The following POLR3A variants were observed in gnomAD, a reference collection of about 807,000 sequenced individuals.
POLR3A encodes the protein RNA polymerase III subunit A, also known as DNA-directed RNA polymerase III subunit RPC1.
POLR3A carries 112 observed loss-of-function variants against 152.8 expected under a neutral mutation model. That is an observed-to-expected ratio of 0.73 (90% CI 0.63 to 0.86). POLR3A has a LOEUF of 0.86. Ranked by LOEUF, POLR3A falls within the 40% of genes least tolerant of loss-of-function variation. The pLI is 0.00. For missense variants in POLR3A, 1,385 were observed against 1,743.1 expected (o/e 0.79, Z 3.66); for synonymous variants, 615 against 652.1 (o/e 0.94, Z 0.87).
rs560557299 is a variant in POLR3A, at chr10:78,024,743, T to C, written c.491-40A>G. 3.4e-5 allele frequency: 54 copies of C among 1,565,948 alleles called. No homozygotes were observed. In the Admixed American group the frequency reaches 8.5e-4, roughly 25 times the overall value. On this transcript the variant is annotated intron_variant, in intron 4 of 30. Transcript: ENST00000372371. ...TTATTTACCAAGAAATAAAAAATTA[T>C]GTTCTCAGATTGGCCAGAGATTGTA...
At chr10:77,980,713 G>A (rs554680227) in intron 29 of POLR3A, among the ~76,000 whole-genome samples, 18 of 152,186 alleles carry the variant, frequency 1.2e-4, no homozygotes, top group Non-Finnish European at 2.2e-4. Flanking sequence ...GAAAACATTT[G>A]TGATGTTAAA....
chr10:77,996,267 C>A (rs1847299372), intron 19 of POLR3A, among the ~76,000 whole-genome samples: 2 of 152,086 alleles, frequency 1.3e-5, no homozygotes, highest in Non-Finnish European at 2.9e-5. Flanking sequence ...GAAGCAAGAG[C>A]AAACACATTC....
At chr10:78,016,498 G>A (rs1057313741) in intron 10 of POLR3A, among the ~76,000 whole-genome samples, 2 of 151,640 alleles carry the variant, frequency 1.3e-5, no homozygotes, top group Non-Finnish European at 2.9e-5. Context: ...TGAATCACCT[G>A]AGGTCAGGAG....
chr10:77,978,975 T>C (rs115781062), intron 30 of POLR3A, among the ~76,000 whole-genome samples: 2,155 of 152,142 alleles, frequency 0.014, 50 homozygotes, highest in African/African-American at 0.048. Context: ...GCTTGTTTTT[T>C]GATTTTAAAA....
intron 19 of POLR3A, among the ~76,000 whole-genome samples, chr10:77,997,127 A>G (rs1037011983): frequency 6.6e-6 from 1 of 151,964 alleles, no homozygotes; most frequent in Non-Finnish European, 1.5e-5. Flanking sequence ...CATGCTAAAA[A>G]CTCTCAATAA....
intron 19 of POLR3A, among the ~76,000 whole-genome samples, chr10:77,995,390 A>G (rs527980744): frequency 3.3e-5 from 5 of 152,356 alleles, no homozygotes; most frequent in Admixed American, 3.3e-4. Flanking sequence ...GTCAAGACCC[A>G]TCAGTGTGCT....
intron 11 of POLR3A, chr10:78,013,034 A>C (rs1847481755): frequency 6.2e-6 from 1 of 160,636 alleles, no homozygotes; most frequent in Non-Finnish European, 1.4e-5. Context: ...GCCAACAGTT[A>C]AAGCTCAACT....
chr10:78,000,762 A>G (rs573043409), intron 18 of POLR3A, among the ~76,000 whole-genome samples: 1 of 152,330 alleles, frequency 6.6e-6, no homozygotes, highest in South Asian at 2.1e-4. Flanking sequence ...GGCCTCAAGC[A>G]ATCCTCTTGC....
chr10:77,980,125 G>C lies in POLR3A; in HGVS notation c.4024+16C>G. 6.2e-7 allele frequency: 1 copy of C among 1,612,146 alleles called. No homozygotes were observed. The highest frequency in any genetic ancestry group is 8.5e-7 in the Non-Finnish European group (1 of 1,178,212). ...GTAAAGGCCTTTGATGCTGTTCATAGAAACATCAAACCTACCACACACAGA... is the reference window on the plus strand; with the variant it reads ...GTAAAGGCCTTTGATGCTGTTCATACAAACATCAAACCTACCACACACAGA... On this transcript the variant is annotated intron_variant, in intron 30 of 30. Coordinates refer to ENST00000372371, the MANE Select transcript of POLR3A (RefSeq NM_007055.4).
intron 8 of POLR3A, 133 bp downstream of exon 8, chr10:78,021,413 A>G (rs1324908929): frequency 1.2e-6 from 1 of 801,314 alleles, no homozygotes. Flanking sequence ...GAAGACACAT[A>G]CACTCATATA....
intron 21 of POLR3A, among the ~76,000 whole-genome samples, chr10:77,990,514 G>A (rs888340217): frequency 2.0e-5 from 3 of 151,974 alleles, no homozygotes; most frequent in Non-Finnish European, 4.4e-5. Flanking sequence ...TTCTAATAGG[G>A]AAATGGCTTG....
Position 78,029,438 on chromosome 10 carries a change from C to G in POLR3A, c.-31G>C. The G allele has an allele frequency of 6.2e-7, 1 of 1,613,304 alleles. No homozygotes were observed. Among genetic ancestry groups the G allele is most frequent in the African/African-American group, 1.3e-5 (1 of 75,020 alleles). ...CCGCTGCCGGGACGCCTCCTTGGCA[C>G]TCGGGAGGCCAGATTAGAGAAACGA... On this transcript the variant is annotated 5_prime_UTR_variant, in exon 1 of 31. Coordinates refer to ENST00000372371, the MANE Select transcript of POLR3A (RefSeq NM_007055.4).
chr10:78,002,245 G>C lies in POLR3A; in HGVS notation c.2311C>G (p.Leu771Val). 1 of 1,603,906 alleles carries C rather than the reference G, an allele frequency of 6.2e-7. No homozygotes were observed. The highest frequency in any genetic ancestry group is 8.5e-7 in the Non-Finnish European group (1 of 1,175,932). ...DHAGSACLRE[L>V]DKSNSPLTMA... is the part of the protein sequence containing the mutation. The stretch of plus-strand genomic sequence containing the variant: ...GTGAGGGGGCTGTTGCTCTTGTCCA[G>C]CTCCCGGAGGCAGGCACTGCCAGCG... The change falls in exon 17 of 31, where the codon CTG becomes GTG. Residue 771 changes from leucine (L) to valine (V), a missense_variant. Physicochemically the swap from Leu to Val is conservative, Grantham distance 32 (BLOSUM62 1). Transcript: ENST00000372371.
chr10:78,020,838 A>T (rs1356585529), intron 8 of POLR3A, among the ~76,000 whole-genome samples: 1 of 152,202 alleles, frequency 6.6e-6, no homozygotes, highest in Non-Finnish European at 1.5e-5. Flanking sequence ...CAATAGCCTT[A>T]AAATGTTCAA....
intron 11 of POLR3A, among the ~76,000 whole-genome samples, chr10:78,010,833 T>A (rs938492072): frequency 6.6e-6 from 1 of 151,912 alleles, no homozygotes; most frequent in Non-Finnish European, 1.5e-5. Context: ...ACTCTACCCA[T>A]GTAAGAAGAT....
At chr10:78,013,471 CA>C in intron 11 of POLR3A, 178 bp downstream of exon 11, 1 of 662,800 alleles carries the variant, frequency 1.5e-6, no homozygotes, top group South Asian at 1.7e-5. Context: ...AGAGATTCTT[CA>C]AAGGCTCAAA....
chr10:78,015,975 T>C (rs1418784307), intron 10 of POLR3A, among the ~76,000 whole-genome samples: 1 of 152,192 alleles, frequency 6.6e-6, no homozygotes, highest in Non-Finnish European at 1.5e-5. Flanking sequence ...ATGACTGATA[T>C]AATGTGTTCA....
At chr10:77,990,222 A>C (rs1028238746) in intron 21 of POLR3A, among the ~76,000 whole-genome samples, 2 of 152,216 alleles carry the variant, frequency 1.3e-5, no homozygotes, top group Non-Finnish European at 2.9e-5. Context: ...AAAACAAAAA[A>C]CAAACGAACC....
In POLR3A at chr10:78,009,548, G is replaced by C; in HGVS notation, c.1898C>G (p.Ala633Gly). 6.2e-7 allele frequency: 1 copy of C among 1,614,168 alleles called. No individual in the cohort carries two copies. Residue 633 changes from alanine to glycine, a missense_variant, in exon 14 of 31, where the codon GCC (alanine) becomes GGC (glycine). By Grantham distance (60) the Ala-to-Gly change is moderately conservative. Coordinates refer to ENST00000372371, the MANE Select transcript of POLR3A (RefSeq NM_007055.4). ...QYCGKGEDLC[A>G]NDSYVTIQNS... The stretch of plus-strand genomic sequence containing the variant: ...TTCCGTCCACTCACAGGAATCATTG[G>C]CACAGAGATCTTCCCCTTTGCCACA...
Sources: gnomAD v4.1 joint callset for allele counts (sites outside exome capture counted in the v4.1 genomes callset) on GRCh38, gnomAD v4.1.1 for gene constraint, MANE v1.5 for transcripts, NCBI Gene and HGNC (gene_info 2026-07-23, HGNC 2026-07-21) for gene names.